The following FRMD4A variants were observed in gnomAD, a reference collection of about 807,000 sequenced individuals.
FRMD4A encodes FERM domain containing 4A.
FRMD4A carries 29 observed loss-of-function variants against 129.1 expected under a neutral mutation model. The ratio of observed to expected loss-of-function variants is 0.22; its 90% CI spans 0.17 to 0.31. FRMD4A has a LOEUF of 0.31. Ranked by LOEUF, FRMD4A falls within the 10% of genes least tolerant of loss-of-function variation. The pLI, the probability that FRMD4A is intolerant of heterozygous loss-of-function variation, is 1.00. For missense variants in FRMD4A, 1,272 were observed against 1,375.8 expected, an observed-to-expected ratio of 0.92 and a Z score of 1.19; for synonymous variants, 634 against 571.6, an observed-to-expected ratio of 1.11 and a Z score of -1.56.
At chr10:13,860,289 A>G (rs2094276403) in intron 2 of FRMD4A, among the ~76,000 whole-genome samples, 1 of 152,248 alleles carries the variant, frequency 6.6e-6, no homozygotes, top group Non-Finnish European at 1.5e-5. Flanking sequence ...AAAAATAATT[A>G]GGAAGGGATA....
intron 14 of FRMD4A, among the ~76,000 whole-genome samples, chr10:13,698,664 G>T (rs76621799): frequency 6.6e-6 from 1 of 152,180 alleles, no homozygotes; most frequent in Admixed American, 6.5e-5. Context: ...TTTCACAAAC[G>T]TGGTGCCATC....
intron 2 of FRMD4A, among the ~76,000 whole-genome samples, chr10:13,936,646 C>G (rs576696529): frequency 1.3e-5 from 2 of 152,294 alleles, no homozygotes; most frequent in South Asian, 4.1e-4. Flanking sequence ...AATCTACCCC[C>G]ACCTTGATCT....
chr10:13,708,828 C>T (rs1219411196), intron 12 of FRMD4A, among the ~76,000 whole-genome samples: 1 of 152,260 alleles, frequency 6.6e-6, no homozygotes, highest in East Asian at 1.9e-4. Flanking sequence ...TCCACCTGAA[C>T]TTAGCCAGAG....
In FRMD4A at chr10:13,890,496, G is replaced by A. The variant is rs115915474; in HGVS notation, c.46-31584C>T. 4,424 of 972,584 alleles carry A rather than the reference G, an allele frequency of 4.5e-3. 140 individuals carry two copies. The African/African-American group carries it at 0.07, about 15-fold the overall frequency. 60.2% of individuals were successfully genotyped at this position (972,584 alleles called of 1,614,324 possible). A position where few individuals can be genotyped will look rare whatever the true frequency, so the allele number is the denominator to read the frequency against. On this transcript the variant is annotated intron_variant, in intron 2 of 24. Transcript: ENST00000357447. ...CGACTTACGGATGCAGAGGTGGAAG[G>A]GGGGTACCAGCAGCTGAACCCTCAA...
At chr10:13,749,669 C>T (rs770178445) in intron 8 of FRMD4A, among the ~76,000 whole-genome samples, 5 of 152,010 alleles carry the variant, frequency 3.3e-5, no homozygotes, top group South Asian at 4.1e-4. Flanking sequence ...AGAGCACTCC[C>T]AGAAAAAGCA....
rs528483399 is a variant in FRMD4A, at chr10:14,066,341, A to C, written c.46-207429T>G. 1.1e-4 allele frequency among the ~76,000 whole-genome samples: 17 copies of C among 151,948 alleles called. No homozygotes were observed. The South Asian group carries it at 3.5e-3, about 32-fold the overall frequency. On this transcript the variant is annotated intron_variant, in intron 2 of 24. Coordinates refer to ENST00000357447, the MANE Select transcript of FRMD4A (RefSeq NM_018027.5). ...GTGGGGGGTGGTCCCTGTTGTCCAC[A>C]CAGGGAAGGGGTGGGTATGGATCTG... is the stretch of plus-strand genomic sequence containing the variant.
chr10:14,184,885 C>T (rs1008299467), intron 2 of FRMD4A, among the ~76,000 whole-genome samples: 3 of 152,178 alleles, frequency 2.0e-5, no homozygotes, highest in Non-Finnish European at 2.9e-5. Flanking sequence ...GATACAACTG[C>T]GTGGGTACTG....
At chr10:13,844,754 A>G (rs1230914734) in intron 3 of FRMD4A, among the ~76,000 whole-genome samples, 1 of 152,216 alleles carries the variant, frequency 6.6e-6, no homozygotes, top group Non-Finnish European at 1.5e-5. Flanking sequence ...GGATTCTAGC[A>G]GGCCCTGCTA....
At chr10:14,029,406 C>T (rs1273800683) in intron 2 of FRMD4A, among the ~76,000 whole-genome samples, 3 of 152,050 alleles carry the variant, frequency 2.0e-5, no homozygotes, top group Non-Finnish European at 4.4e-5. Flanking sequence ...CTGCTTCAAA[C>T]GCATGAGTGC....
At chr10:14,238,190 A>C (rs906204342) in intron 2 of FRMD4A, among the ~76,000 whole-genome samples, 4 of 152,212 alleles carry the variant, frequency 2.6e-5, no homozygotes, top group African/African-American at 4.8e-5. Flanking sequence ...TAAGCACCTT[A>C]TATGTGGGGT....
chr10:14,029,866 T>C (rs1833155377), intron 2 of FRMD4A, among the ~76,000 whole-genome samples: 1 of 151,934 alleles, frequency 6.6e-6, no homozygotes, highest in African/African-American at 2.4e-5. Flanking sequence ...TTGATTTTTG[T>C]ATATGGTATA....
intron 2 of FRMD4A, among the ~76,000 whole-genome samples, chr10:14,122,545 C>A (rs569333142): frequency 1.4e-5 from 2 of 140,340 alleles, no homozygotes; most frequent in South Asian, 4.6e-4. Flanking sequence ...CTTACAATCA[C>A]GGCAGAATGT....
chr10:13,884,870 C>A (rs2094600052), intron 2 of FRMD4A, among the ~76,000 whole-genome samples: 1 of 152,250 alleles, frequency 6.6e-6, no homozygotes, highest in Admixed American at 6.5e-5. Context: ...TCAGAGCTAA[C>A]ATTTGTCCAC....
chr10:13,844,223 T>A (rs17630680), intron 3 of FRMD4A, among the ~76,000 whole-genome samples: 4 of 152,046 alleles, frequency 2.6e-5, no homozygotes, highest in Middle Eastern at 3.4e-3. Context: ...AAACTTAACA[T>A]TGAAGGCTTT....
intron 15 of FRMD4A, among the ~76,000 whole-genome samples, chr10:13,679,448 A>AT (rs2084298387): frequency 8.5e-5 from 4 of 46,900 alleles, no homozygotes; most frequent in African/African-American, 3.6e-4. Context: ...AAAAAAAAAA[A>AT]AAAAAAAAAA....
rs560278436 is a variant in FRMD4A at position 14,315,444 on chromosome 10, C to T, written c.45+14614G>A. Among the ~76,000 whole-genome samples the T allele has an allele frequency of 5.9e-5, 9 of 152,334 alleles. No individual in the cohort carries two copies. In the South Asian group the frequency reaches 1.2e-3, roughly 21 times the overall value. On this transcript the variant is annotated intron_variant, in intron 2 of 24. Coordinates refer to ENST00000357447, the MANE Select transcript of FRMD4A (RefSeq NM_018027.5). ...CTGAGGTCATCCTTGCCTCCTCCCT[C>T]TGCCTCATGTATGCGAGTAAAAGCT...
chr10:13,865,196 G>A (rs1419389208), intron 2 of FRMD4A, among the ~76,000 whole-genome samples: 3 of 151,998 alleles, frequency 2.0e-5, no homozygotes, highest in Non-Finnish European at 4.4e-5. Context: ...ATAAAATAGC[G>A]TCTACCTCTT....
intron 2 of FRMD4A, among the ~76,000 whole-genome samples, chr10:14,075,297 T>C (rs1035337502): frequency 6.6e-6 from 1 of 152,222 alleles, no homozygotes; most frequent in African/African-American, 2.4e-5. Flanking sequence ...GGAGGACATA[T>C]TATTTTCTTA....
At chr10:13,964,475 G>A (rs1356831706) in intron 2 of FRMD4A, among the ~76,000 whole-genome samples, 1 of 150,156 alleles carries the variant, frequency 6.7e-6, no homozygotes, top group Non-Finnish European at 1.5e-5. Flanking sequence ...TGGAGGCAGG[G>A]TGGGGGTGGG....
Sources: allele counts gnomAD v4.1 joint callset (sites outside exome capture counted in the v4.1 genomes callset), GRCh38; gene constraint gnomAD v4.1.1; transcripts MANE v1.5; gene names NCBI Gene and HGNC (gene_info 2026-07-23, HGNC 2026-07-21).